SLC5A12: variants seen among roughly 807,000 people sequenced by gnomAD.
SLC5A12 encodes the protein solute carrier family 5 member 12.
SLC5A12 carries 46 observed loss-of-function variants against 72.7 expected under a neutral mutation model. The ratio of observed to expected loss-of-function variants is 0.63; its 90% CI spans 0.50 to 0.81. The LOEUF is 0.81. Ranked by LOEUF, SLC5A12 falls within the 30% of genes least tolerant of loss-of-function variation. SLC5A12 has a pLI of 0.00. For synonymous variants in SLC5A12, 275 were observed against 264.4 expected (o/e 1.04, Z -0.39); for missense variants, 683 against 740.7 (o/e 0.92, Z 0.90).
At chr11:26,679,284 A>G (rs16916119) in intron 12 of SLC5A12, among the ~76,000 whole-genome samples, 3,089 of 152,148 alleles carry the variant, frequency 0.02, 94 homozygotes, top group African/African-American at 0.066. Flanking sequence ...ATTCAGACCA[A>G]TGCGTGAGAT....
At chr11:26,709,416 T>C in intron 3 of SLC5A12, 37 bp from the exon 4 acceptor site, 1 of 1,527,214 alleles carries the variant, frequency 6.5e-7, no homozygotes, top group Non-Finnish European at 8.9e-7. Flanking sequence ...AGAAGTTTCC[T>C]TCAAAAAATT....
chr11:26,697,429 ATT>A (rs1250795129), intron 7 of SLC5A12, among the ~76,000 whole-genome samples, 177 bp from the exon 8 acceptor site: 2 of 152,088 alleles, frequency 1.3e-5, no homozygotes, highest in Non-Finnish European at 2.9e-5. Context: ...AATATACGCC[ATT>A]TTCTTTCGTG....
At chr11:26,689,298 T>G (rs1312115235) in intron 9 of SLC5A12, among the ~76,000 whole-genome samples, 2 of 152,032 alleles carry the variant, frequency 1.3e-5, no homozygotes, top group East Asian at 3.9e-4. Context: ...CTCCGCAGGC[T>G]GAGGCAGGAG....
intron 12 of SLC5A12, among the ~76,000 whole-genome samples, chr11:26,680,628 A>C (rs1474487309): frequency 6.6e-6 from 1 of 151,918 alleles, no homozygotes; most frequent in Non-Finnish European, 1.5e-5. Context: ...ATCCTTTGTT[A>C]AACCCTGTGT....
Position 26,678,812 on chromosome 11 carries a change from A to G in SLC5A12, c.1479T>C (p.Pro493=). The change falls in exon 13 of 15, where the codon CCT becomes CCC. Residue 493 remains proline, a synonymous_variant. Coordinates refer to ENST00000396005, the MANE Select transcript of SLC5A12 (RefSeq NM_178498.4). ...TCGAGTACCAGGTATCAGCTATTCC[A>G]GGTCTGTGGAGAACAGCACATGTCA... ...ATGPPVLSSR[P]GIADTWYSIS... is the part of the protein sequence containing the mutation. 2 of 1,607,796 alleles carry G rather than the reference A, an allele frequency of 1.2e-6. No individual in the cohort carries two copies. Among genetic ancestry groups the G allele is most frequent in the Non-Finnish European group, 1.7e-6 (2 of 1,175,066 alleles).
At chr11:26,698,619 G>T (rs1022129982) in intron 6 of SLC5A12, 84 bp from the exon 7 acceptor site, 1 of 1,343,000 alleles carries the variant, frequency 7.4e-7, no homozygotes, top group East Asian at 2.4e-5. Flanking sequence ...TCAAGGTAAA[G>T]GGTTTTGGGT....
chr11:26,675,996 T>C (rs1307136878), intron 13 of SLC5A12, among the ~76,000 whole-genome samples: 1 of 148,418 alleles, frequency 6.7e-6, no homozygotes, highest in Non-Finnish European at 1.5e-5. Flanking sequence ...TACCTCTGTC[T>C]GTGTGTGTGT....
chr11:26,689,808 T>C (rs149707067), intron 9 of SLC5A12, among the ~76,000 whole-genome samples: 211 of 152,240 alleles, frequency 1.4e-3, no homozygotes, highest in African/African-American at 4.7e-3. Flanking sequence ...AATGGATGAA[T>C]AGACAACTGG....
At chr11:26,718,544 C>T (rs1410232558) in intron 1 of SLC5A12, among the ~76,000 whole-genome samples, 1 of 151,882 alleles carries the variant, frequency 6.6e-6, no homozygotes, top group African/African-American at 2.4e-5. Context: ...CTGCAACCTC[C>T]CAGGTTCAAG....
intron 6 of SLC5A12, among the ~76,000 whole-genome samples, chr11:26,699,442 A>G (rs1446609203): frequency 6.6e-6 from 1 of 152,246 alleles, no homozygotes; most frequent in Non-Finnish European, 1.5e-5. Context: ...CCCTTAAATC[A>G]AAGTCCACAT....
chr11:26,703,366 G>A (rs1855004532), intron 6 of SLC5A12, among the ~76,000 whole-genome samples, 165 bp downstream of exon 6: 1 of 151,776 alleles, frequency 6.6e-6, no homozygotes, highest in Non-Finnish European at 1.5e-5. Context: ...GTAATGCTGG[G>A]CTCAAAAAGT....
chr11:26,703,612 A>G lies in SLC5A12; in HGVS notation c.740T>C (p.Phe247Ser), dbSNP rs1320237864. 6.2e-6 allele frequency: 10 copies of G among 1,614,052 alleles called. No individual in the cohort carries two copies. Among genetic ancestry groups the G allele is most frequent in the Admixed American group, 3.3e-5 (2 of 59,992 alleles). The part of the protein sequence containing the change: ...TFWTITVGGT[F>S]TWLGIYGVNQ... ...GACCCCATAGATTCCGAGCCAAGTA[A>G]AAGTTCCTCCCACTGTGATAGTCCA... Residue 247 changes from phenylalanine to serine, a missense_variant, in exon 6 of 15, where the codon TTT (phenylalanine) becomes TCT (serine). Phe to Ser is a radical substitution (Grantham distance 155). Coordinates refer to ENST00000396005, the MANE Select transcript of SLC5A12 (RefSeq NM_178498.4).
At chr11:26,714,935 G>C (rs1855315584) in intron 1 of SLC5A12, among the ~76,000 whole-genome samples, 1 of 152,130 alleles carries the variant, frequency 6.6e-6, no homozygotes, top group South Asian at 2.1e-4. Flanking sequence ...CGGTGAATAT[G>C]TGAATGAGGG....
intron 11 of SLC5A12, among the ~76,000 whole-genome samples, chr11:26,683,020 T>C (rs989409424): frequency 4.6e-5 from 7 of 152,118 alleles, no homozygotes; most frequent in Non-Finnish European, 8.8e-5. Flanking sequence ...TATCCTATAG[T>C]ATATACATTA....
chr11:26,684,403 G>C (rs932409047), intron 10 of SLC5A12, among the ~76,000 whole-genome samples: 1 of 152,094 alleles, frequency 6.6e-6, no homozygotes, highest in Admixed American at 6.6e-5. Flanking sequence ...TAGGGTTGCT[G>C]AATTTGAAAG....
Position 26,692,419 on chromosome 11 carries a change from T to C in SLC5A12, c.1153+70A>G, listed in dbSNP as rs747160332. 4.9e-6 allele frequency: 5 copies of C among 1,030,168 alleles called. No individual in the cohort carries two copies. In the Admixed American group the frequency reaches 8.5e-5, roughly 18 times the overall value. 63.8% of individuals were successfully genotyped at this position (1,030,168 alleles called of 1,614,324 possible). On this transcript the variant is annotated intron_variant, in intron 9 of 14. Transcript: ENST00000396005. ...TTATAAGTGTGTCCTGAATAGCACA[T>C]GCAGGATTTTGACATCTACCACATG...
Position 26,721,961 on chromosome 11 carries a change from T to G in SLC5A12, c.-247A>C. Reference sequence around the variant, plus strand: ...GGCACCAAGAGATGAGAATTTGAAATCTGACCCTAGCTAAGAGCTGTCTGC... The same window carrying G: ...GGCACCAAGAGATGAGAATTTGAAAGCTGACCCTAGCTAAGAGCTGTCTGC... On this transcript the variant is annotated 5_prime_UTR_variant, in exon 1 of 15. Coordinates refer to ENST00000396005, the MANE Select transcript of SLC5A12 (RefSeq NM_178498.4). 1 of 506,028 alleles carries G rather than the reference T, an allele frequency of 2.0e-6. No homozygotes were observed. Among genetic ancestry groups the G allele is most frequent in the South Asian group, 2.6e-5 (1 of 38,674 alleles). 31.3% of individuals were successfully genotyped at this position (506,028 alleles called of 1,614,324 possible).
Position 26,673,371 on chromosome 11 carries a change from C to A in SLC5A12, c.1707+31G>T, listed in dbSNP as rs760368344. On this transcript the variant is annotated intron_variant, in intron 14 of 14. Transcript: ENST00000396005. ...AACCAGGAATCCCTTTGAGTCCATACACATTTTTAGAAGCTCAAACATCAG... is the reference window on the plus strand; with the variant it reads ...AACCAGGAATCCCTTTGAGTCCATAAACATTTTTAGAAGCTCAAACATCAG... 4 of 1,513,296 alleles carry A rather than the reference C, an allele frequency of 2.6e-6. No homozygotes were observed. In the Admixed American group the frequency reaches 8.6e-5, roughly 32 times the overall value. 93.7% of individuals were successfully genotyped at this position (1,513,296 alleles called of 1,614,324 possible).
intron 9 of SLC5A12, 66 bp from the exon 10 acceptor site, chr11:26,686,610 G>GC (rs1315698372): frequency 7.2e-7 from 1 of 1,392,360 alleles, no homozygotes; most frequent in Non-Finnish European, 1.0e-6. Flanking sequence ...GATGCCTTGA[G>GC]CCCCCACTCA....
Sources: gnomAD v4.1 joint callset for allele counts (sites outside exome capture counted in the v4.1 genomes callset) on GRCh38, gnomAD v4.1.1 for gene constraint, MANE v1.5 for transcripts, NCBI Gene and HGNC (gene_info 2026-07-23, HGNC 2026-07-21) for gene names.